Variants in GABBR2 observed in about 807,000 individuals in gnomAD.
GABBR2 encodes the protein G-protein coupled receptor 51.
A neutral mutation model predicts 105.6 loss-of-function variants in GABBR2; 23 were observed. The ratio of observed to expected loss-of-function variants is 0.22; its 90% CI spans 0.16 to 0.31. GABBR2 has a LOEUF of 0.31. Ranked by LOEUF, GABBR2 falls within the 10% of genes least tolerant of loss-of-function variation. The pLI is 1.00. For synonymous variants in GABBR2, 478 were observed against 499.7 expected (o/e 0.96, Z 0.58); for missense variants, 734 against 1,245.5 (o/e 0.59, Z 6.18).
At chr9:98,615,328 G>A (rs1363114166) in intron 1 of GABBR2, among the ~76,000 whole-genome samples, 1 of 152,198 alleles carries the variant, frequency 6.6e-6, no homozygotes, top group African/African-American at 2.4e-5. Flanking sequence ...GCCTATCTCA[G>A]CACAGTAACA....
chr9:98,439,331 G>A (rs951432292), intron 7 of GABBR2, among the ~76,000 whole-genome samples: 6 of 152,142 alleles, frequency 3.9e-5, no homozygotes, highest in African/African-American at 1.2e-4. Flanking sequence ...TCAGACCCAG[G>A]TTCCCCATGA....
At chr9:98,547,963 C>T (rs1254944529) in intron 2 of GABBR2, among the ~76,000 whole-genome samples, 3 of 121,276 alleles carry the variant, frequency 2.5e-5, no homozygotes, top group Non-Finnish European at 5.6e-5. Context: ...TGATCATCTC[C>T]CTTTTCGCCC....
intron 2 of GABBR2, among the ~76,000 whole-genome samples, chr9:98,572,701 C>T (rs1439196706): frequency 6.6e-6 from 1 of 152,124 alleles, no homozygotes; most frequent in Non-Finnish European, 1.5e-5. Context: ...AATCCAGGCT[C>T]CCAGGCTACT....
intron 7 of GABBR2, among the ~76,000 whole-genome samples, chr9:98,435,430 C>T (rs1230709074): frequency 6.6e-6 from 1 of 152,200 alleles, no homozygotes; most frequent in Non-Finnish European, 1.5e-5. Flanking sequence ...CAGTTTTCTT[C>T]CTGAAGTGTG....
chr9:98,457,591 C>T (rs1274232177), intron 6 of GABBR2, among the ~76,000 whole-genome samples: 4 of 152,132 alleles, frequency 2.6e-5, no homozygotes, highest in Non-Finnish European at 5.9e-5. Context: ...GGAGGAGGGC[C>T]AAGAACACTG....
intron 1 of GABBR2, among the ~76,000 whole-genome samples, chr9:98,681,378 A>C (rs1830544274): frequency 1.1e-5 from 1 of 89,356 alleles, no homozygotes; most frequent in African/African-American, 4.9e-5. Context: ...CATAGGTGGG[A>C]ATTGAACAAT....
chr9:98,698,165 T>C (rs1465564314), intron 1 of GABBR2, among the ~76,000 whole-genome samples: 1 of 152,198 alleles, frequency 6.6e-6, no homozygotes, highest in African/African-American at 2.4e-5. Context: ...AGTCCTTCTT[T>C]GGCTAGATTT....
At chr9:98,412,143 CT>C (rs545724524) in intron 7 of GABBR2, among the ~76,000 whole-genome samples, 2 of 152,252 alleles carry the variant, frequency 1.3e-5, no homozygotes, top group South Asian at 4.1e-4. Context: ...GATACTCTCC[CT>C]GAGAACAAGA....
intron 13 of GABBR2, among the ~76,000 whole-genome samples, chr9:98,313,094 C>A (rs1830660730): frequency 2.0e-5 from 3 of 152,154 alleles, no homozygotes; most frequent in Admixed American, 6.6e-5. Context: ...CCTTTGCTAT[C>A]TTATTCATGT....
chr9:98,474,022 T>G (rs16916338), intron 5 of GABBR2, among the ~76,000 whole-genome samples: 6,699 of 152,318 alleles, frequency 0.044, 214 homozygotes, highest in East Asian at 0.14. Context: ...GCTCTGAATC[T>G]TTATCCAAAA....
At chr9:98,338,894 T>C (rs550393365) in intron 13 of GABBR2, among the ~76,000 whole-genome samples, 1 of 152,352 alleles carries the variant, frequency 6.6e-6, no homozygotes, top group South Asian at 2.1e-4. Flanking sequence ...ATCTATGAAA[T>C]GTTGAATGGA....
chr9:98,518,614 T>C (rs1827806848), intron 3 of GABBR2, among the ~76,000 whole-genome samples: 1 of 152,212 alleles, frequency 6.6e-6, no homozygotes, highest in African/African-American at 2.4e-5. Context: ...TTCTCGGCCC[T>C]GCTCTGGAGT....
At chr9:98,609,943 G>A (rs955590183) in intron 1 of GABBR2, among the ~76,000 whole-genome samples, 1 of 152,202 alleles carries the variant, frequency 6.6e-6, no homozygotes, top group African/African-American at 2.4e-5. Context: ...AAGGGCAGAG[G>A]GGCCATGGCC....
chr9:98,326,122 G>T (rs1830918184), intron 13 of GABBR2, among the ~76,000 whole-genome samples: 1 of 152,200 alleles, frequency 6.6e-6, no homozygotes, highest in African/African-American at 2.4e-5. Context: ...ATGAGAGAAG[G>T]GAGTGGCCAA....
At chr9:98,375,577 T>G (rs79202056) in intron 11 of GABBR2, among the ~76,000 whole-genome samples, 3,673 of 152,288 alleles carry the variant, frequency 0.024, 63 homozygotes, top group Non-Finnish European at 0.037. Context: ...ACCACAGATG[T>G]GCAAGTTGAG....
At chr9:98,450,396 A>G (rs1340084988) in intron 7 of GABBR2, among the ~76,000 whole-genome samples, 3 of 152,130 alleles carry the variant, frequency 2.0e-5, no homozygotes, top group African/African-American at 7.2e-5. Flanking sequence ...GACAATTTTA[A>G]CGAAACCTGT....
At chr9:98,318,923 TGTGTGTGTGTGTG>T (rs1032337728) in intron 13 of GABBR2, among the ~76,000 whole-genome samples, 3 of 142,002 alleles carry the variant, frequency 2.1e-5, no homozygotes, top group African/African-American at 7.6e-5. Context: ...GTTGGGGGTG[TGTGTGTGTGTGTG>T]GTGTGTGTGT....
At chr9:98,441,354 GTTATTA>G (rs10551324) in intron 7 of GABBR2, among the ~76,000 whole-genome samples, 1 of 151,506 alleles carries the variant, frequency 6.6e-6, no homozygotes, top group South Asian at 2.1e-4. Flanking sequence ...TCTGAAGGAA[GTTATTA>G]TTATTATTAT....
At chr9:98,697,049 A>G (rs1030238627) in intron 1 of GABBR2, among the ~76,000 whole-genome samples, 1 of 152,196 alleles carries the variant, frequency 6.6e-6, no homozygotes, top group Non-Finnish European at 1.5e-5. Flanking sequence ...GAAAATAACT[A>G]TATGAAGATG....
Sources: allele counts gnomAD v4.1 joint callset (sites outside exome capture counted in the v4.1 genomes callset), GRCh38; gene constraint gnomAD v4.1.1; transcripts MANE v1.5; gene names NCBI Gene and HGNC (gene_info 2026-07-23, HGNC 2026-07-21).